The following ATP13A4 variants were observed in gnomAD, a reference collection of about 807,000 sequenced individuals.
ATP13A4 encodes the protein probable cation-transporting ATPase 13A4.
Under a neutral mutation model 142.5 loss-of-function variants are expected in ATP13A4, and 114 were observed. The observed-to-expected ratio is 0.80, with a 90% confidence interval of 0.69 to 0.93. ATP13A4 has a LOEUF of 0.93. Ranked by LOEUF, ATP13A4 falls within the 40% of genes least tolerant of loss-of-function variation. ATP13A4 has a pLI of 0.00. For synonymous variants in ATP13A4, 488 were observed against 514.8 expected (o/e 0.95, Z 0.70); for missense variants, 1,392 against 1,454.0 (o/e 0.96, Z 0.69).
intron 18 of ATP13A4, among the ~76,000 whole-genome samples, chr3:193,443,394 C>T (rs1362496301): frequency 6.6e-6 from 1 of 152,194 alleles, no homozygotes; most frequent in East Asian, 1.9e-4. Flanking sequence ...AGAGTAACCT[C>T]TGAGTGAGGC....
intron 29 of ATP13A4, chr3:193,404,009 C>G: frequency 1.0e-6 from 1 of 985,392 alleles, no homozygotes. Flanking sequence ...CTGCATTATT[C>G]CTGTGATAAC....
chr3:193,494,092 G>A (rs1017992130), intron 3 of ATP13A4, among the ~76,000 whole-genome samples: 1 of 151,978 alleles, frequency 6.6e-6, no homozygotes, highest in Non-Finnish European at 1.5e-5. Flanking sequence ...TAACACTCAT[G>A]TGTATGCACC....
intron 29 of ATP13A4, among the ~76,000 whole-genome samples, chr3:193,405,867 C>T (rs1714466992): frequency 6.6e-6 from 1 of 152,114 alleles, no homozygotes; most frequent in Non-Finnish European, 1.5e-5. Context: ...ATACACCACA[C>T]AGAGAGAATC....
At chr3:193,409,732 A>G (rs1714673876) in intron 28 of ATP13A4, among the ~76,000 whole-genome samples, 2 of 152,360 alleles carry the variant, frequency 1.3e-5, no homozygotes, top group Admixed American at 1.3e-4. Flanking sequence ...TAGTATGTCA[A>G]ACTAAAGATA....
chr3:193,482,151 C>A lies in ATP13A4; in HGVS notation c.808+1785G>T, dbSNP rs142190492. Among the ~76,000 whole-genome samples, 131 of 152,122 alleles carry A rather than the reference C, an allele frequency of 8.6e-4. No individual in the cohort carries two copies. In the East Asian group the frequency reaches 0.022, roughly 26 times the overall value. ...AGAGATAGATCCACCTATATGTGAA[C>A]AATTGATTTTTGACAAAAGATGAAA... On this transcript the variant is annotated intron_variant, in intron 8 of 29. Coordinates refer to ENST00000342695, the MANE Select transcript of ATP13A4 (RefSeq NM_032279.4).
At chr3:193,471,097 T>C in intron 8 of ATP13A4, 104 bp from the exon 9 acceptor site, 1 of 1,505,244 alleles carries the variant, frequency 6.6e-7, no homozygotes, top group East Asian at 2.3e-5. Flanking sequence ...CCAAGACATT[T>C]TTTTTTTAGA....
intron 16 of ATP13A4, 93 bp downstream of exon 16, chr3:193,456,907 C>A: frequency 1.4e-6 from 2 of 1,461,374 alleles, no homozygotes; most frequent in Non-Finnish European, 1.9e-6. Flanking sequence ...GGTGATGACC[C>A]ATAGGCGATT....
intron 2 of ATP13A4, among the ~76,000 whole-genome samples, chr3:193,562,382 T>G (rs1003640869): frequency 1.9e-4 from 29 of 152,370 alleles, no homozygotes; most frequent in African/African-American, 7.0e-4. Context: ...ATTATATGAT[T>G]AAATGCACTA....
At chr3:193,541,826 G>A (rs1030613838) in intron 1 of ATP13A4, among the ~76,000 whole-genome samples, 4 of 152,210 alleles carry the variant, frequency 2.6e-5, no homozygotes, top group Admixed American at 2.0e-4. Flanking sequence ...CAGAGCCAGT[G>A]AGAAGAAAGA....
intron 26 of ATP13A4, 93 bp from the exon 27 acceptor site, chr3:193,412,464 G>C: frequency 1.7e-6 from 2 of 1,158,772 alleles, no homozygotes; most frequent in South Asian, 1.2e-5. Flanking sequence ...ACAGTGTCCA[G>C]AGCAGGCACT....
intron 25 of ATP13A4, 120 bp from the exon 26 acceptor site, chr3:193,414,870 C>A: frequency 1.1e-6 from 1 of 932,528 alleles, no homozygotes; most frequent in South Asian, 1.4e-5. Context: ...GAGTACATCA[C>A]AAACTGAGGG....
intron 1 of ATP13A4, among the ~76,000 whole-genome samples, chr3:193,521,868 G>A (rs1376659824): frequency 6.6e-6 from 1 of 152,118 alleles, no homozygotes; most frequent in Non-Finnish European, 1.5e-5. Flanking sequence ...AGGAGGCAGA[G>A]GTTGCAGTGA....
In ATP13A4 at chr3:193,403,342, C is replaced by T. The variant is rs372022631; in HGVS notation, c.3379-478G>A. 8.5e-5 allele frequency among the ~76,000 whole-genome samples: 13 copies of T among 152,244 alleles called. No individual in the cohort carries two copies. The South Asian group carries it at 1.0e-3, about 12-fold the overall frequency. On this transcript the variant is annotated intron_variant, in intron 29 of 29. Transcript: ENST00000342695. ...ATATCACTGCATATTTAATTTCACA[C>T]GGGCCAGTCTTGGAGTTGAACAGAT...
At chr3:193,537,854 G>T (rs184386046) in intron 1 of ATP13A4, among the ~76,000 whole-genome samples, 3 of 152,106 alleles carry the variant, frequency 2.0e-5, no homozygotes, top group African/African-American at 7.2e-5. Flanking sequence ...AGTGTTAAAG[G>T]TTACGTCCTA....
chr3:193,526,452 G>T (rs1337135242), intron 1 of ATP13A4, among the ~76,000 whole-genome samples: 3 of 152,158 alleles, frequency 2.0e-5, no homozygotes, highest in Admixed American at 2.0e-4. Context: ...GGGGCCTGTT[G>T]CAGGGTGGGG....
intron 8 of ATP13A4, among the ~76,000 whole-genome samples, chr3:193,482,587 C>G (rs1050825160): frequency 6.7e-6 from 1 of 150,164 alleles, no homozygotes; most frequent in African/African-American, 2.4e-5. Context: ...ATCTAATAAA[C>G]AACAGATTTG....
chr3:193,565,096 T>C (rs1724105485), intron 2 of ATP13A4, among the ~76,000 whole-genome samples: 1 of 152,204 alleles, frequency 6.6e-6, no homozygotes, highest in Non-Finnish European at 1.5e-5. Context: ...AATGTAATAA[T>C]AATAGAAATA....
At chr3:193,403,496 G>A (rs948027959) in intron 29 of ATP13A4, among the ~76,000 whole-genome samples, 1 of 152,092 alleles carries the variant, frequency 6.6e-6, no homozygotes, top group Non-Finnish European at 1.5e-5. Context: ...ACAATGCAGG[G>A]CAGGGCAGGG....
intron 25 of ATP13A4, among the ~76,000 whole-genome samples, chr3:193,429,070 T>G (rs1278928018): frequency 1.3e-5 from 2 of 152,080 alleles, no homozygotes. Context: ...CTATTATTAG[T>G]CATTAGAGAA....
Sources: allele counts gnomAD v4.1 joint callset (sites outside exome capture counted in the v4.1 genomes callset), GRCh38; gene constraint gnomAD v4.1.1; transcripts MANE v1.5; gene names NCBI Gene and HGNC (gene_info 2026-07-23, HGNC 2026-07-21).